Variants in KIF7 observed in about 807,000 individuals in gnomAD.
The protein encoded by KIF7 is kinesin-like protein KIF7.
A neutral mutation model predicts 135.7 loss-of-function variants in KIF7; 104 were observed. That is an observed-to-expected ratio of 0.77 (90% confidence interval 0.65 to 0.90). The LOEUF is 0.90. Ranked by LOEUF, KIF7 falls within the 40% of genes least tolerant of loss-of-function variation. The pLI is 0.00. For synonymous variants in KIF7, 883 were observed against 809.4 expected (o/e 1.09, Z -1.54); for missense variants, 2,005 against 1,839.1 (o/e 1.09, Z -1.65).
chr15:89,621,334 G>A, intron 1 of KIF7: 44 of 1,544,736 alleles, frequency 2.8e-5, no homozygotes, highest in Non-Finnish European at 3.7e-5. Context: ...TGTTTTAATA[G>A]TATTGGAAGA....
At chr15:89,629,278 G>T in intron 17 of KIF7, 97 bp downstream of exon 17, 3 of 1,171,264 alleles carry the variant, frequency 2.6e-6, no homozygotes, top group South Asian at 1.6e-5. Flanking sequence ...TGAGTGGCAG[G>T]GGCGGTGGGG....
chr15:89,632,729 C>G, intron 14 of KIF7, 91 bp downstream of exon 14: 1 of 1,410,370 alleles, frequency 7.1e-7, no homozygotes, highest in Non-Finnish European at 9.7e-7. Flanking sequence ...CAGAAACTTA[C>G]TTGGCAGGAG....
intron 11 of KIF7, among the ~76,000 whole-genome samples, chr15:89,635,006 T>G (rs563797194): frequency 1.3e-5 from 2 of 152,306 alleles, no homozygotes; most frequent in East Asian, 3.9e-4. Context: ...CCTCCTCAAG[T>G]GGGTTCCTGA....
At chr15:89,619,264 C>T (rs968449294) in intron 1 of KIF7, among the ~76,000 whole-genome samples, 9 of 115,606 alleles carry the variant, frequency 7.8e-5, no homozygotes, top group Admixed American at 1.1e-4. Flanking sequence ...CTTGCTCTGT[C>T]GCCCAGGCTG....
At chr15:89,620,967 C>T (rs545631355) in intron 1 of KIF7, among the ~76,000 whole-genome samples, 28 of 150,938 alleles carry the variant, frequency 1.9e-4, no homozygotes, top group Middle Eastern at 3.5e-3. Context: ...GTGATCTGCC[C>T]GCCTCAGCCT....
At chr15:89,645,577 G>A in intron 8 of KIF7, 126 bp from the exon 9 acceptor site, 1 of 822,476 alleles carries the variant, frequency 1.2e-6, no homozygotes, top group South Asian at 1.5e-5. Flanking sequence ...ATAAACCCAG[G>A]ATGTGAGTCT....
chr15:89,643,181 C>T (rs1027222574), intron 10 of KIF7, among the ~76,000 whole-genome samples: 3 of 152,084 alleles, frequency 2.0e-5, no homozygotes, highest in African/African-American at 4.8e-5. Context: ...GGTTCCACAC[C>T]CATGGGTTCA....
downstream of KIF7, chr15:89,626,027 G>A (rs1963518352): frequency 6.2e-7 from 1 of 1,613,788 alleles, no homozygotes. Context: ...TGTTCCAGGG[G>A]AAAACACCTT....
chr15:89,653,089 T>G (rs1253292199), intron 1 of KIF7, 135 bp from the exon 2 acceptor site: 1 of 661,604 alleles, frequency 1.5e-6, no homozygotes, highest in South Asian at 2.4e-5. Flanking sequence ...AAGTTCACAA[T>G]ATCCCCATGT....
In KIF7 at chr15:89,632,842, C is replaced by G; in HGVS notation, c.2873G>C (p.Ser958Thr). ...CACCTGGCTGGATCTCAGGCGCTTG[C>G]TCTCCAGCCCCGTCTTCTCCTGCAT... ...ALMQEKTGLESKRLRSSQALN... is the reference protein window; with the variant it reads ...ALMQEKTGLETKRLRSSQALN... Residue 958 changes from serine to threonine, a missense_variant, in exon 14 of 19, where the codon AGC becomes ACC. By Grantham distance (58) the Ser-to-Thr change is moderately conservative (BLOSUM62 1). Coordinates refer to ENST00000394412, the MANE Select transcript of KIF7 (RefSeq NM_198525.3). The G allele has an allele frequency of 6.2e-7, 1 of 1,606,192 alleles. No individual in the cohort carries two copies. Among genetic ancestry groups the G allele is most frequent in the Non-Finnish European group, 8.5e-7 (1 of 1,179,046 alleles).
intron 16 of KIF7, chr15:89,629,826 G>A: frequency 1.7e-6 from 1 of 581,992 alleles, no homozygotes; most frequent in South Asian, 2.1e-5. Context: ...CTATGGAGCT[G>A]GGCAGAGCGT....
intron 4 of KIF7, 98 bp from the exon 5 acceptor site, chr15:89,648,872 G>A: frequency 4.1e-6 from 6 of 1,465,798 alleles, no homozygotes; most frequent in Non-Finnish European, 5.4e-6. Context: ...GTTCCCGTGG[G>A]CTGGAGACCT....
chr15:89,630,560 T>G (rs1000402274), intron 15 of KIF7, 67 bp from the exon 16 acceptor site: 5 of 1,336,530 alleles, frequency 3.7e-6, no homozygotes, highest in African/African-American at 1.4e-5. Flanking sequence ...TGGGCAGACA[T>G]GCAACAGCCA....
rs748648030 is a variant in KIF7, at chr15:89,628,994, C to T, written c.3646G>A (p.Ala1216Thr). 70 of 1,613,636 alleles carry T rather than the reference C, an allele frequency of 4.3e-5. No homozygotes were observed. The highest frequency in any genetic ancestry group is 5.2e-5 in the Non-Finnish European group (61 of 1,179,962). The change falls in exon 18 of 19, where the codon GCT becomes ACT. Residue 1216 changes from alanine (A) to threonine (T), a missense_variant. Transcript: ENST00000394412. ...ELKQKLGGVN[A>T]VGHSRGGEKR... Reference sequence around the variant, plus strand: ...GAGTTACCCCTGCTGTGGCCTACAGCGTTCACACCGCCGAGCTTCTGTTTC... The same window carrying T: ...GAGTTACCCCTGCTGTGGCCTACAGTGTTCACACCGCCGAGCTTCTGTTTC...
chr15:89,632,732 G>T, intron 14 of KIF7, 88 bp downstream of exon 14: 2 of 1,417,050 alleles, frequency 1.4e-6, no homozygotes, highest in Non-Finnish European at 1.9e-6. Flanking sequence ...AAACTTACTT[G>T]GCAGGAGCTC....
downstream of KIF7, chr15:89,625,577 T>C (rs777196463): frequency 8.7e-6 from 14 of 1,612,890 alleles, no homozygotes; most frequent in African/African-American, 2.7e-5. Context: ...AGGAACAGCA[T>C]GCCTAAGGCC....
chr15:89,651,493 C>T (rs185683438), intron 2 of KIF7, among the ~76,000 whole-genome samples: 150 of 152,332 alleles, frequency 9.8e-4, no homozygotes, highest in Non-Finnish European at 1.8e-3. Flanking sequence ...CTCCGCCTCC[C>T]AAAGTGCTGG....
At chr15:89,627,173 T>C, downstream of KIF7, 6 of 1,535,812 alleles carry the variant, frequency 3.9e-6, no homozygotes, top group South Asian at 6.9e-5. Flanking sequence ...CCCAAGCCTC[T>C]TTTGCCATGG....
Position 89,630,503 on chromosome 15 carries a change from C to CGG in KIF7, c.3112-12_3112-11dup. 1.3e-6 allele frequency: 2 copies of CGG among 1,549,006 alleles called. No homozygotes were observed. The highest frequency in any genetic ancestry group is 1.7e-6 in the Non-Finnish European group (2 of 1,146,620). ...ACAGCGTCCGCTCCTCCTGCAGAGA[C>CGG]GGGCACGCGTGGAGGAACAGCACCC... On this transcript the variant is annotated splice_polypyrimidine_tract_variant and intron_variant, in intron 15 of 18. Coordinates refer to ENST00000394412, the MANE Select transcript of KIF7 (RefSeq NM_198525.3).
Sources: gnomAD v4.1 joint callset for allele counts (sites outside exome capture counted in the v4.1 genomes callset) on GRCh38, gnomAD v4.1.1 for gene constraint, MANE v1.5 for transcripts, NCBI Gene and HGNC (gene_info 2026-07-23, HGNC 2026-07-21) for gene names.